Variants in LRRC27 observed in about 807,000 individuals in gnomAD.
The protein encoded by LRRC27 is leucine-rich repeat-containing protein 27.
In LRRC27, 57 loss-of-function variants were observed where a neutral mutation model predicts 55.0. The ratio of observed to expected loss-of-function variants is 1.04; its 90% CI spans 0.84 to 1.29. The LOEUF is 1.29. LRRC27 is among the 50% of genes most tolerant of loss of function. The probability of loss-of-function intolerance (pLI) is 0.00; values close to 1 mark genes in which losing one functional copy is unlikely to be tolerated. For missense variants in LRRC27, 721 were observed against 651.5 expected (o/e 1.11, Z -1.16); for synonymous variants, 278 against 251.9 (o/e 1.10, Z -0.98).
Position 132,376,712 on chromosome 10 carries a change from G to GT in LRRC27, c.*1471dup, listed in dbSNP as rs1341284721. On this transcript the variant is annotated 3_prime_UTR_variant, in exon 11 of 11. Transcript: ENST00000368614. ...GCGGCCTGCCGCAGGATATGTTTTG[G>GT]TAAATGTAGACTGTGCACTTGAGAA... 4 of 152,436 alleles carry GT rather than the reference G, an allele frequency of 2.6e-5. No homozygotes were observed. The Middle Eastern group carries it at 0.01, about 389-fold the overall frequency. The allele number at this position is 152,436 out of a possible 1,614,324, so 9.4% of individuals were successfully genotyped here. A position where few individuals can be genotyped will look rare whatever the true frequency, so the allele number is the denominator to read the frequency against.
chr10:132,357,469 C>A (rs1047175536), intron 8 of LRRC27, among the ~76,000 whole-genome samples: 2 of 152,226 alleles, frequency 1.3e-5, no homozygotes, highest in African/African-American at 4.8e-5. Context: ...CCATGAGCTG[C>A]CTCTGTGGCC....
chr10:132,373,466 G>C (rs1035515572), intron 10 of LRRC27, among the ~76,000 whole-genome samples: 4 of 152,192 alleles, frequency 2.6e-5, no homozygotes, highest in African/African-American at 9.7e-5. Context: ...GGGAGGGCGG[G>C]GGGAGAGGAT....
At chr10:132,353,286 T>C (rs2068155588) in intron 7 of LRRC27, 5 of 1,210,954 alleles carry the variant, frequency 4.1e-6, no homozygotes, top group Non-Finnish European at 5.2e-6. Context: ...TCTCCTTCCC[T>C]GGTCTGTCCT....
intron 7 of LRRC27, among the ~76,000 whole-genome samples, chr10:132,354,841 G>T (rs549160005): frequency 6.6e-6 from 1 of 152,168 alleles, no homozygotes; most frequent in Admixed American, 6.5e-5. Context: ...ATGGAGAGGG[G>T]GTACCAACCA....
rs991767279 is a variant in LRRC27 at position 132,361,658 on chromosome 10, A to G, written c.1289+83A>G. On this transcript the variant is annotated intron_variant, in intron 9 of 10. Transcript: ENST00000368614. Reference sequence around the variant, plus strand: ...AGGTGCTGTTGTTTATTTCATGAGCATGCACTGAGGAGCCCTGAAACTCCA... The same window carrying G: ...AGGTGCTGTTGTTTATTTCATGAGCGTGCACTGAGGAGCCCTGAAACTCCA... The G allele has an allele frequency of 1.7e-5, 17 of 1,010,072 alleles. No homozygotes were observed. The African/African-American group carries it at 2.4e-4, about 14-fold the overall frequency. 62.6% of individuals were successfully genotyped at this position (1,010,072 alleles called of 1,614,324 possible). A position where few individuals can be genotyped will look rare whatever the true frequency, so the allele number is the denominator to read the frequency against.
At chr10:132,343,888 C>T (rs970008844) in intron 4 of LRRC27, among the ~76,000 whole-genome samples, 2 of 152,236 alleles carry the variant, frequency 1.3e-5, no homozygotes, top group African/African-American at 4.8e-5. Context: ...CCAGCCCCCA[C>T]CAGCCCACTG....
Position 132,376,755 on chromosome 10 carries a change from T to C in LRRC27, c.*1513T>C, listed in dbSNP as rs544338504. 5 of 152,436 alleles carry C rather than the reference T, an allele frequency of 3.3e-5. No individual in the cohort carries two copies. Among genetic ancestry groups the C allele is most frequent in the African/African-American group, 1.2e-4 (5 of 41,604 alleles). 9.4% of individuals were successfully genotyped at this position (152,436 alleles called of 1,614,324 possible). ...CTTGAGAAGAATGTATTTTGAGTTG[T>C]TGGGTACATTGTTTTGTGTGTGTCA... On this transcript the variant is annotated 3_prime_UTR_variant, in exon 11 of 11. Transcript: ENST00000368614.
chr10:132,333,542 C>T lies in LRRC27; in HGVS notation c.18C>T (p.Ser6=). The change falls in exon 2 of 11, where the codon TCC becomes TCT. Residue 6 remains serine, a synonymous_variant. Transcript: ENST00000368614. MEGSS[S]YEVPSVAAAD... is the part of the protein sequence containing the mutation. ...GAGAACGGATGGAGGGAAGCAGCTC[C>T]TACGAAGTTCCCTCTGTGGCTGCTG... The T allele has an allele frequency of 1.2e-6, 2 of 1,605,504 alleles. No homozygotes were observed. Among genetic ancestry groups the T allele is most frequent in the African/African-American group, 1.3e-5 (1 of 74,800 alleles).
At chr10:132,342,918 C>T (rs1158293585) in intron 4 of LRRC27, among the ~76,000 whole-genome samples, 1 of 152,122 alleles carries the variant, frequency 6.6e-6, no homozygotes, top group Non-Finnish European at 1.5e-5. Flanking sequence ...TAAAAACAGA[C>T]ATGTATACGC....
At chr10:132,351,037 T>A (rs1181782280) in intron 6 of LRRC27, 1 of 154,276 alleles carries the variant, frequency 6.5e-6, no homozygotes, top group Non-Finnish European at 1.4e-5. Flanking sequence ...CCTGCGGGCT[T>A]CCCTCAAGGG....
At chr10:132,355,721 A>T (rs2068276718) in intron 7 of LRRC27, 69 bp from the exon 8 acceptor site, 1 of 1,191,612 alleles carries the variant, frequency 8.4e-7, no homozygotes, top group Non-Finnish European at 1.2e-6. Context: ...CTGTAGAATG[A>T]CAGAGGAATC....
chr10:132,331,857 T>A, upstream of LRRC27: 1 of 1,412,158 alleles, frequency 7.1e-7, no homozygotes, highest in African/African-American at 1.4e-5. Context: ...GATGCTACCG[T>A]TGGCCGCGTG....
Position 132,351,639 on chromosome 10 carries a change from C to G in LRRC27, c.959C>G (p.Pro320Arg), listed in dbSNP as rs781158189. The G allele has an allele frequency of 1.2e-6, 2 of 1,614,100 alleles. No homozygotes were observed. Among genetic ancestry groups the G allele is most frequent in the Non-Finnish European group, 1.7e-6 (2 of 1,180,010 alleles). The part of the protein sequence containing the change: ...RKTASSRSIL[P>R]DLLSPYQMAI... ...ACAGCCTCCTCCAGGAGCATCTTAC[C>G]CGACCTCTTGTCACCGTACCAAATG... Residue 320 changes from proline to arginine, a missense_variant, in exon 7 of 11, where the codon CCC (proline) becomes CGC (arginine). By Grantham distance (103) the Pro-to-Arg change is moderately radical. Transcript: ENST00000368614.
intron 3 of LRRC27, among the ~76,000 whole-genome samples, chr10:132,339,951 A>G (rs60873014): frequency 0.084 from 12,777 of 152,266 alleles, 666 homozygotes; most frequent in African/African-American, 0.15. Flanking sequence ...TTCAAATTAG[A>G]TCAACTACAG....
At chr10:132,355,091 T>A (rs2068248130) in intron 7 of LRRC27, among the ~76,000 whole-genome samples, 1 of 152,166 alleles carries the variant, frequency 6.6e-6, no homozygotes, top group Admixed American at 6.5e-5. Flanking sequence ...TTTGTTTTGT[T>A]TTTTGAGACA....
intron 9 of LRRC27, among the ~76,000 whole-genome samples, chr10:132,362,792 C>T (rs1330704093): frequency 7.1e-6 from 1 of 140,652 alleles, no homozygotes; most frequent in African/African-American, 2.8e-5. Flanking sequence ...TCTCACCTCA[C>T]AGCTGCTTGG....
At chr10:132,333,050 C>T (rs1452274204) in intron 1 of LRRC27, among the ~76,000 whole-genome samples, 3 of 152,170 alleles carry the variant, frequency 2.0e-5, no homozygotes, top group Non-Finnish European at 2.9e-5. Flanking sequence ...AAAAGACAGG[C>T]TTCCTGGCCT....
Position 132,365,524 on chromosome 10 carries a change from A to T in LRRC27, c.1390A>T (p.Arg464Trp), listed in dbSNP as rs777768474. 13 of 1,613,526 alleles carry T rather than the reference A, an allele frequency of 8.1e-6. No homozygotes were observed. Among genetic ancestry groups the T allele is most frequent in the Non-Finnish European group, 1.1e-5 (13 of 1,179,996 alleles). ...FHGQAPLEEM[R>W]KAAEDLEIAT... ...TGGCCAGGCCCCACTGGAGGAGATG[A>T]GGAAGGCTGCCGAGGATCTGGAAAT... The change falls in exon 10 of 11, where the codon AGG becomes TGG. Residue 464 changes from arginine to tryptophan, a missense_variant. Coordinates refer to ENST00000368614, the MANE Select transcript of LRRC27 (RefSeq NM_030626.3).
chr10:132,377,066 G>A lies in LRRC27; in HGVS notation c.*1824G>A, dbSNP rs1478480215. On this transcript the variant is annotated 3_prime_UTR_variant, in exon 11 of 11. Transcript: ENST00000368614. ...TCACTTCTTGCCTTCTGTGGATTTT[G>A]TCTGATACTAATCCAGGCACACTGC... is the stretch of plus-strand genomic sequence containing the variant. 4 of 152,164 alleles carry A rather than the reference G, an allele frequency of 2.6e-5. No individual in the cohort carries two copies. Among genetic ancestry groups the A allele is most frequent in the Non-Finnish European group, 5.9e-5 (4 of 68,042 alleles). 9.4% of individuals were successfully genotyped at this position (152,164 alleles called of 1,614,324 possible). A position where few individuals can be genotyped will look rare whatever the true frequency, so the allele number is the denominator to read the frequency against.
Sources: allele counts gnomAD v4.1 joint callset (sites outside exome capture counted in the v4.1 genomes callset), GRCh38; gene constraint gnomAD v4.1.1; transcripts MANE v1.5; gene names NCBI Gene and HGNC (gene_info 2026-07-23, HGNC 2026-07-21).